The following PABPC4 variants were observed in gnomAD, a reference collection of about 807,000 sequenced individuals.
PABPC4 encodes the protein poly(A) binding protein cytoplasmic 4.
Under a neutral mutation model 74.5 loss-of-function variants are expected in PABPC4, and 15 were observed. The observed-to-expected ratio is 0.20, with a 90% CI of 0.13 to 0.31. PABPC4 has a LOEUF of 0.31. Among genes scored for constraint, PABPC4 ranks in the 10% least tolerant of loss-of-function variants. PABPC4 has a pLI of 1.00. For missense variants in PABPC4, 610 were observed against 853.5 expected, an observed-to-expected ratio of 0.71 and a Z score of 3.55; for synonymous variants, 345 against 303.0, an observed-to-expected ratio of 1.14 and a Z score of -1.44.
rs1244801160 is a variant in PABPC4, at chr1:39,569,588, T to C, written c.738+7A>G. On this transcript the variant is annotated splice_region_variant and intron_variant, in intron 5 of 15. Transcript: ENST00000372858. ...AAAGCTTTTCCCAATCTTTGTGGTA[T>C]ACTCACCTTATTGGCATCCTCGTGT... is the stretch of plus-strand genomic sequence containing the variant. The C allele has an allele frequency of 3.7e-6, 6 of 1,609,694 alleles. No individual in the cohort carries two copies. The highest frequency in any genetic ancestry group is 2.7e-5 in the African/African-American group (2 of 74,870).
rs749700693 is a variant in PABPC4, at chr1:39,562,031, C to T, written c.1893+42G>A. 3.1e-6 allele frequency: 5 copies of T among 1,599,322 alleles called. No homozygotes were observed. In the Admixed American group the frequency reaches 5.2e-5, roughly 16 times the overall value. On this transcript the variant is annotated intron_variant, in intron 14 of 15. Transcript: ENST00000372858. ...CATCCAAGTTTGCCCCCAGTCTTCCCAAGCTGAGAACTGAAGCTGCAGGGT... is the reference window on the plus strand; with the variant it reads ...CATCCAAGTTTGCCCCCAGTCTTCCTAAGCTGAGAACTGAAGCTGCAGGGT...
At chr1:39,564,010 T>C (rs370593332) in intron 10 of PABPC4, 88 bp from the exon 11 acceptor site, 176 of 1,225,552 alleles carry the variant, frequency 1.4e-4, no homozygotes, top group South Asian at 8.9e-4. Flanking sequence ...CAAAGCACGT[T>C]TACGCAACAC....
chr1:39,561,614 G>C, intron 15 of PABPC4, 71 bp downstream of exon 15: 1 of 1,075,494 alleles, frequency 9.3e-7, no homozygotes, highest in South Asian at 1.3e-5. Flanking sequence ...TACAACCTCA[G>C]GTCAAACCAC....
At chr1:39,575,537 A>G (rs1646011833) in intron 1 of PABPC4, among the ~76,000 whole-genome samples, 1 of 152,194 alleles carries the variant, frequency 6.6e-6, no homozygotes, top group South Asian at 2.1e-4. Flanking sequence ...CAGCAACACT[A>G]ATAAGTAGCC....
rs764440600 is a variant in PABPC4, at chr1:39,565,349, C to T, written c.1002G>A (p.Gly334=). The T allele has an allele frequency of 6.2e-6, 10 of 1,612,916 alleles. No individual in the cohort carries two copies. Among genetic ancestry groups the T allele is most frequent in the South Asian group, 2.2e-5 (2 of 91,074 alleles). ...GAGATGAGAAGCAGACGAAGCCAAA[C>T]CCTTTGCTTCTTCCATCCTCCAGCA... ...KVMLEDGRSK[G]FGFVCFSSPE... Residue 334 remains glycine (G), a synonymous_variant, in exon 8 of 16, where the codon GGG becomes GGA. Coordinates refer to ENST00000372858, the MANE Select transcript of PABPC4 (RefSeq NM_001135653.2).
At position 39,568,698 on chromosome 1, in the gene PABPC4, G is replaced by C. The variant is rs138131256; in HGVS notation, c.876+104C>G. 9.5e-4 allele frequency: 997 copies of C among 1,046,908 alleles called. 6 individuals carry two copies. In the African/African-American group the frequency reaches 0.011, roughly 12 times the overall value. 64.9% of individuals were successfully genotyped at this position (1,046,908 alleles called of 1,614,324 possible). On this transcript the variant is annotated intron_variant, in intron 6 of 15. Transcript: ENST00000372858. ...ATCTTTTTAGGTAAAATGGGAAGAA[G>C]AACACACTCCAAGTCCTCAAAAAGA... is the stretch of plus-strand genomic sequence containing the variant.
Position 39,571,689 on chromosome 1 carries a change from C to A in PABPC4, c.388-340G>T, listed in dbSNP as rs1645943015. Reference sequence around the variant, plus strand: ...GGATCGTTGGAGCCAGATCGTTGGACAATGGAGACCCTGTCTCTACAAAAA... The same window carrying A: ...GGATCGTTGGAGCCAGATCGTTGGAAAATGGAGACCCTGTCTCTACAAAAA... On this transcript the variant is annotated intron_variant, in intron 2 of 15. Coordinates refer to ENST00000372858, the MANE Select transcript of PABPC4 (RefSeq NM_001135653.2). 8 of 475,794 alleles carry A rather than the reference C, an allele frequency of 1.7e-5. 1 individual carries two copies. The highest frequency in any genetic ancestry group is 1.3e-4 in the South Asian group (8 of 63,904). The allele number at this position is 475,794 out of a possible 1,614,324, so 29.5% of individuals were successfully genotyped here.
chr1:39,563,913 C>T lies in PABPC4; in HGVS notation c.1463G>A (p.Cys488Tyr). Residue 488 changes from cysteine (C) to tyrosine (Y), a missense_variant, in exon 11 of 16, where the codon TGC becomes TAC. Cys to Tyr is a radical substitution (Grantham distance 194). Around this residue, in one of 4 missense-constraint regions of PABPC4, gnomAD observed 277 missense variants for 301.8 expected, o/e 0.92. Transcript: ENST00000372858. ...PTTTQRVGSE[C>Y]PDRLAMDFGG... ...AAAGTCCATAGCCAAGCGGTCCGGG[C>T]ACTCAGACCCTACAACAGACCAGCA... The T allele has an allele frequency of 6.2e-7, 1 of 1,614,168 alleles. No individual in the cohort carries two copies. Among genetic ancestry groups the T allele is most frequent in the Non-Finnish European group, 8.5e-7 (1 of 1,180,028 alleles).
intron 15 of PABPC4, 68 bp downstream of exon 15, chr1:39,561,617 C>A: frequency 1.8e-6 from 2 of 1,122,490 alleles, no homozygotes; most frequent in South Asian, 1.3e-5. Context: ...AACCTCAGGT[C>A]AAACCACAAA....
intron 6 of PABPC4, chr1:39,568,560 G>A (rs540715530): frequency 1.8e-4 from 77 of 425,056 alleles, no homozygotes; most frequent in African/African-American, 1.4e-3. Context: ...ATGGCTAAAA[G>A]CAACAGGCTG....
rs759574718 is a variant in PABPC4, at chr1:39,565,322, A to G, written c.1029T>C (p.Pro343=). ...KGFGFVCFSS[P]EEATKAVTEM... is the part of the protein sequence containing the mutation. ...CAGTGACTGCTTTGGTTGCTTCTTC[A>G]GGAGATGAGAAGCAGACGAAGCCAA... Residue 343 remains proline, a synonymous_variant, in exon 8 of 16, where the codon CCT becomes CCC. Transcript: ENST00000372858. The G allele has an allele frequency of 6.8e-6, 11 of 1,613,848 alleles. No homozygotes were observed. Among genetic ancestry groups the G allele is most frequent in the Middle Eastern group, 1.6e-4 (1 of 6,080 alleles).
intron 7 of PABPC4, 116 bp downstream of exon 7, chr1:39,567,635 T>C (rs1184220274): frequency 9.8e-6 from 7 of 713,584 alleles, no homozygotes; most frequent in East Asian, 2.5e-5. Context: ...TAGAAAAACG[T>C]AGTAGCTACT....
intron 12 of PABPC4, chr1:39,563,320 G>C (rs572938079): frequency 1.5e-4 from 52 of 350,472 alleles, no homozygotes; most frequent in Non-Finnish European, 2.4e-4. Context: ...GGATGCGGAA[G>C]TGACCTGGAG....
intron 1 of PABPC4, among the ~76,000 whole-genome samples, chr1:39,573,571 C>T (rs1384381585): frequency 1.3e-5 from 2 of 152,210 alleles, no homozygotes; most frequent in African/African-American, 4.8e-5. Context: ...GTAATCCCAG[C>T]ACTTTGGGAG....
Position 39,572,548 on chromosome 1 carries a change from T to C in PABPC4, c.232A>G (p.Lys78Glu). The change falls in exon 2 of 16, where the codon AAG becomes GAG. Residue 78 changes from lysine to glutamate, a missense_variant. Transcript: ENST00000372858. ...CACATGATGCGGATTGGCTTTCCCTTAATCACATCAAAGTTCATGGTGTCC... is the reference window on the plus strand; with the variant it reads ...CACATGATGCGGATTGGCTTTCCCTCAATCACATCAAAGTTCATGGTGTCC... Reference protein sequence around the residue: ...ALDTMNFDVIKGKPIRIMWSQ... With the variant: ...ALDTMNFDVIEGKPIRIMWSQ... 6.2e-7 allele frequency: 1 copy of C among 1,614,106 alleles called. No homozygotes were observed. Among genetic ancestry groups the C allele is most frequent in the Non-Finnish European group, 8.5e-7 (1 of 1,180,000 alleles).
At position 39,560,940 on chromosome 1, in the gene PABPC4, C is replaced by G. The variant is rs1645760925; in HGVS notation, c.*196G>C. 7.1e-6 allele frequency: 2 copies of G among 282,712 alleles called. No homozygotes were observed. The highest frequency in any genetic ancestry group is 6.9e-5 in the South Asian group (2 of 28,970). The allele number at this position is 282,712 out of a possible 1,614,324, so 17.5% of individuals were successfully genotyped here. On this transcript the variant is annotated 3_prime_UTR_variant, in exon 16 of 16. Transcript: ENST00000372858. ...AAAGTTAACACTGTCTGGGCCACAGCAGAACCCAAAGAACATATTCGTATA... is the reference window on the plus strand; with the variant it reads ...AAAGTTAACACTGTCTGGGCCACAGGAGAACCCAAAGAACATATTCGTATA...
chr1:39,562,378 T>G lies in PABPC4; in HGVS notation c.1707A>C (p.Pro569=). The G allele has an allele frequency of 6.2e-7, 1 of 1,613,972 alleles. No individual in the cohort carries two copies. The highest frequency in any genetic ancestry group is 2.2e-5 in the East Asian group (1 of 44,880). Residue 569 remains proline, a synonymous_variant, in exon 13 of 16, where the codon CCA becomes CCC. Coordinates refer to ENST00000372858, the MANE Select transcript of PABPC4 (RefSeq NM_001135653.2). ...QPAVHVQGQE[P]LTASMLAAAP... is the part of the protein sequence containing the mutation. ...CTGCAGCCAGCATGGAGGCAGTCAG[T>G]GGCTCCTGCCCCTGCACATGGACCG...
At chr1:39,562,006 C>A (rs1645775395) in intron 14 of PABPC4, 67 bp downstream of exon 14, 1 of 1,564,038 alleles carries the variant, frequency 6.4e-7, no homozygotes, top group Admixed American at 1.8e-5. Flanking sequence ...TGCACCTGGG[C>A]ATCCAAGTTT....
At position 39,569,796 on chromosome 1, in the gene PABPC4, C is replaced by G. The variant is rs150138696; in HGVS notation, c.643+67G>C. On this transcript the variant is annotated intron_variant, in intron 4 of 15. Coordinates refer to ENST00000372858, the MANE Select transcript of PABPC4 (RefSeq NM_001135653.2). ...TGAAGCAAATCTCTGGAGCAGTGCC[C>G]TCATCTCTTAAGAAAAAACAGATGG... is the stretch of plus-strand genomic sequence containing the variant. The G allele has an allele frequency of 1.2e-3, 1,911 of 1,596,014 alleles. 21 individuals are homozygous for G. The highest frequency in any genetic ancestry group is 4.6e-4 in the Non-Finnish European group (539 of 1,166,298).
Sources: allele counts gnomAD v4.1 joint callset (sites outside exome capture counted in the v4.1 genomes callset), GRCh38; gene constraint gnomAD v4.1.1; regional missense constraint gnomAD v4.1.1; transcripts MANE v1.5; gene names NCBI Gene and HGNC (gene_info 2026-07-23, HGNC 2026-07-21).